CYRIB: variants seen among roughly 807,000 people sequenced by gnomAD.
CYRIB encodes the protein CYFIP related Rac1 interactor B.
A neutral mutation model predicts 44.2 loss-of-function variants in CYRIB; 8 were observed. The ratio of observed to expected loss-of-function variants is 0.18; its 90% CI spans 0.11 to 0.33. CYRIB has a LOEUF of 0.33. Among genes scored for constraint, CYRIB ranks in the 10% least tolerant of loss-of-function variants. CYRIB has a pLI of 1.00. For missense variants in CYRIB, 185 were observed against 382.8 expected (o/e 0.48, Z 4.31); for synonymous variants, 131 against 127.2 (o/e 1.03, Z -0.20).
chr8:129,980,091 T>C (rs542888463), intron 1 of CYRIB, among the ~76,000 whole-genome samples: 17 of 152,160 alleles, frequency 1.1e-4, no homozygotes, highest in Admixed American at 9.2e-4. Flanking sequence ...AAGACACACA[T>C]CTTCATTTTT....
chr8:130,009,789 C>G (rs2097180091), intron 1 of CYRIB, among the ~76,000 whole-genome samples: 1 of 152,128 alleles, frequency 6.6e-6, no homozygotes, highest in Admixed American at 6.5e-5. Flanking sequence ...TGATAGTAGC[C>G]CAGCTTCATC....
intron 1 of CYRIB, among the ~76,000 whole-genome samples, chr8:129,989,237 C>T (rs1564653069): frequency 1.3e-5 from 2 of 152,104 alleles, no homozygotes; most frequent in South Asian, 2.1e-4. Flanking sequence ...ACCAGCAGGA[C>T]GACTGGAGCC....
chr8:129,881,268 G>A (rs1430434323), intron 2 of CYRIB, among the ~76,000 whole-genome samples: 2 of 152,184 alleles, frequency 1.3e-5, no homozygotes, highest in Non-Finnish European at 2.9e-5. Context: ...AGTAACAAAA[G>A]GGGAGGCAAA....
chr8:129,935,125 G>C (rs1031024857), intron 1 of CYRIB, among the ~76,000 whole-genome samples: 4 of 152,112 alleles, frequency 2.6e-5, no homozygotes, highest in Non-Finnish European at 4.4e-5. Flanking sequence ...TTTGGTCCGA[G>C]AACAGTATGA....
At chr8:129,930,895 G>A (rs575809806) in intron 1 of CYRIB, among the ~76,000 whole-genome samples, 1 of 152,060 alleles carries the variant, frequency 6.6e-6, no homozygotes, top group South Asian at 2.1e-4. Context: ...ATTCACGTAT[G>A]CTTTAACCCA....
intron 1 of CYRIB, among the ~76,000 whole-genome samples, chr8:129,930,365 T>TATATATATATATA (rs2090532178): frequency 7.9e-5 from 4 of 50,414 alleles, no homozygotes; most frequent in East Asian, 5.1e-4. Context: ...TGTGAAGTGC[T>TATATATATATATA]TATATATATA....
At chr8:129,942,677 T>C (rs1167648833), upstream of CYRIB, among the ~76,000 whole-genome samples, 1 of 152,264 alleles carries the variant, frequency 6.6e-6, no homozygotes, top group Non-Finnish European at 1.5e-5. Context: ...ATAAGAGCAC[T>C]AGTCTCTTAA....
chr8:129,912,971 C>CT (rs34861646), intron 1 of CYRIB, among the ~76,000 whole-genome samples: 50,705 of 124,044 alleles, frequency 0.41, 11,877 homozygotes, highest in East Asian at 0.53. Flanking sequence ...ATCTGCTTCA[C>CT]TTTTTTTTTT....
At chr8:129,933,064 G>A (rs1564139473) in intron 1 of CYRIB, among the ~76,000 whole-genome samples, 1 of 152,200 alleles carries the variant, frequency 6.6e-6, no homozygotes, top group Non-Finnish European at 1.5e-5. Context: ...GGCTGTGGCT[G>A]TGACTGCTGA....
chr8:129,994,139 G>A (rs1032173145), intron 1 of CYRIB, among the ~76,000 whole-genome samples: 1 of 152,116 alleles, frequency 6.6e-6, no homozygotes, highest in African/African-American at 2.4e-5. Flanking sequence ...AGAGGAGTAG[G>A]GTGGGGCCTA....
intron 1 of CYRIB, among the ~76,000 whole-genome samples, chr8:129,973,684 C>A (rs2095807313): frequency 6.6e-6 from 1 of 152,176 alleles, no homozygotes; most frequent in Admixed American, 6.5e-5. Context: ...TCATTTAGTT[C>A]TTTAAAAAAT....
chr8:129,877,087 A>AT, intron 3 of CYRIB, among the ~76,000 whole-genome samples: 1 of 152,360 alleles, frequency 6.6e-6, no homozygotes, highest in East Asian at 1.9e-4. Flanking sequence ...CAGAGATTAA[A>AT]TTAAGATAAT....
chr8:129,871,337 A>C, intron 4 of CYRIB, 38 bp downstream of exon 6: 1 of 1,580,536 alleles, frequency 6.3e-7, no homozygotes, highest in Non-Finnish European at 8.6e-7. Context: ...TGGGACAGTA[A>C]GTTTCAGTTA....
intron 1 of CYRIB, among the ~76,000 whole-genome samples, chr8:129,935,748 A>G (rs969354289): frequency 2.0e-5 from 3 of 152,230 alleles, no homozygotes; most frequent in Non-Finnish European, 4.4e-5. Context: ...GTCACATACA[A>G]TAGTACCTTA....
chr8:129,861,206 A>G (rs2049282111), intron 5 of CYRIB, among the ~76,000 whole-genome samples: 1 of 152,216 alleles, frequency 6.6e-6, no homozygotes, highest in African/African-American at 2.4e-5. Flanking sequence ...TGTACAAAAT[A>G]AAGTGCTTCA....
intron 1 of CYRIB, among the ~76,000 whole-genome samples, chr8:130,007,234 T>C (rs1486253193): frequency 6.6e-6 from 1 of 152,132 alleles, no homozygotes; most frequent in Non-Finnish European, 1.5e-5. Context: ...CACCGCCCTC[T>C]CCCAGCAGGG....
At chr8:129,892,251 G>T (rs1451301628) in intron 2 of CYRIB, among the ~76,000 whole-genome samples, 1 of 152,128 alleles carries the variant, frequency 6.6e-6, no homozygotes, top group Non-Finnish European at 1.5e-5. Context: ...GAATATGATG[G>T]AAATATGCAA....
At chr8:129,986,949 A>C (rs2096476433) in intron 1 of CYRIB, among the ~76,000 whole-genome samples, 1 of 152,164 alleles carries the variant, frequency 6.6e-6, no homozygotes, top group African/African-American at 2.4e-5. Flanking sequence ...AGAGGAGGAC[A>C]GTCAAAGCAC....
At chr8:129,890,663 T>A (rs2064963607) in intron 2 of CYRIB, 1 of 151,090 alleles carries the variant, frequency 6.6e-6, no homozygotes, top group Admixed American at 6.6e-5. Flanking sequence ...GAGGCCAAGG[T>A]GGGGAGATTA....
Sources: gnomAD v4.1 joint callset for allele counts (sites outside exome capture counted in the v4.1 genomes callset) on GRCh38, gnomAD v4.1.1 for gene constraint, MANE v1.5 for transcripts, NCBI Gene and HGNC (gene_info 2026-07-23, HGNC 2026-07-21) for gene names.